NRBP2: variants seen among roughly 807,000 people sequenced by gnomAD.
NRBP2 encodes the protein nuclear receptor binding protein 2, also known as nuclear receptor-binding protein 2.
NRBP2 carries 47 observed loss-of-function variants against 74.4 expected under a neutral mutation model. The observed-to-expected ratio is 0.63, with a 90% confidence interval of 0.50 to 0.81. NRBP2 has a LOEUF of 0.81. Among genes scored for constraint, NRBP2 ranks in the 30% least tolerant of loss-of-function variants. NRBP2 has a pLI of 0.00. For missense variants in NRBP2, 613 were observed against 690.1 expected (o/e 0.89, Z 1.25); for synonymous variants, 312 against 273.8 (o/e 1.14, Z -1.38).
rs1554650740 is a variant in NRBP2 at position 143,833,755 on chromosome 8, G to A, written c.*1907C>T. ...GCAATGGTGGTATTGATGCTTTTAAGTTCAGTTTAATCAGTAGTACAATGT... is the reference window on the plus strand; with the variant it reads ...GCAATGGTGGTATTGATGCTTTTAAATTCAGTTTAATCAGTAGTACAATGT... On this transcript the variant is annotated 3_prime_UTR_variant, in exon 18 of 18. Coordinates refer to ENST00000442628, the MANE Select transcript of NRBP2 (RefSeq NM_178564.4). 2.0e-5 allele frequency: 3 copies of A among 152,180 alleles called. No homozygotes were observed. The highest frequency in any genetic ancestry group is 7.2e-5 in the African/African-American group (3 of 41,434). The allele number at this position is 152,180 out of a possible 1,614,324, so 9.4% of individuals were successfully genotyped here.
chr8:143,836,099 C>G (rs781811654), intron 15 of NRBP2, 28 bp downstream of exon 15: 2 of 1,596,138 alleles, frequency 1.3e-6, no homozygotes, highest in African/African-American at 2.7e-5. Flanking sequence ...TTCCCCACGG[C>G]AGCGCCGCCC....
rs117132419 is a variant in NRBP2 at position 143,840,268 on chromosome 8, G to T, written c.130-39C>A. The T allele has an allele frequency of 7.6e-3, 11,664 of 1,534,250 alleles. 69 individuals are homozygous for T. The highest frequency in any genetic ancestry group is 0.019 in the Middle Eastern group (115 of 5,934). On this transcript the variant is annotated intron_variant, in intron 1 of 17. Coordinates refer to ENST00000442628, the MANE Select transcript of NRBP2 (RefSeq NM_178564.4). The surrounding 1 kb of genome is among the most constrained non-coding windows in gnomAD (Gnocchi z 5.7). ...AAGGGTTATGTGTGCCCTGGTGTGTGTCAGGGTTGTGGGTGAGGATTTGGT... is the reference window on the plus strand; with the variant it reads ...AAGGGTTATGTGTGCCCTGGTGTGTTTCAGGGTTGTGGGTGAGGATTTGGT...
rs1554651249 is a variant in NRBP2 at position 143,835,579 on chromosome 8, G to A, written c.*83C>T. 1 of 1,178,922 alleles carries A rather than the reference G, an allele frequency of 8.5e-7. No homozygotes were observed. The highest frequency in any genetic ancestry group is 2.5e-5 in the East Asian group (1 of 39,652). The allele number at this position is 1,178,922 out of a possible 1,614,324, so 73.0% of individuals were successfully genotyped here. On this transcript the variant is annotated 3_prime_UTR_variant, in exon 18 of 18. Transcript: ENST00000442628. This position sits in a 1 kb window ranked among gnomAD's most constrained non-coding sequence, Gnocchi z 4.9. ...TGTGCTCCCAGGCGCATGGAGGAGGGCAGCCCCACGGTGCTGGAGTCTCCC... is the reference window on the plus strand; with the variant it reads ...TGTGCTCCCAGGCGCATGGAGGAGGACAGCCCCACGGTGCTGGAGTCTCCC...
downstream of NRBP2, among the ~76,000 whole-genome samples, chr8:143,830,775 TA>T (rs1818129557): frequency 6.6e-6 from 1 of 151,936 alleles, no homozygotes. Context: ...ACAGAGACGA[TA>T]AAGGAAGCCG....
intron 8 of NRBP2, 32 bp from the exon 9 acceptor site, chr8:143,838,970 G>C (rs1444704179): frequency 1.9e-6 from 3 of 1,578,570 alleles, no homozygotes; most frequent in Non-Finnish European, 2.6e-6. Context: ...ACACGTAGGA[G>C]AGAAGCGCAG....
Position 143,840,772 on chromosome 8 carries a change from C to T in NRBP2, c.63G>A (p.Glu21=). The T allele has an allele frequency of 6.6e-7, 1 of 1,511,674 alleles. No homozygotes were observed. Among genetic ancestry groups the T allele is most frequent in the Non-Finnish European group, 8.8e-7 (1 of 1,136,112 alleles). The allele number at this position is 1,511,674 out of a possible 1,614,324, so 93.6% of individuals were successfully genotyped here. A position where few individuals can be genotyped will look rare whatever the true frequency, so the allele number is the denominator to read the frequency against. Residue 21 remains glutamate, a synonymous_variant, in exon 1 of 18, where the codon GAG becomes GAA. Coordinates refer to ENST00000442628, the MANE Select transcript of NRBP2 (RefSeq NM_178564.4). This position sits in a 1 kb window ranked among gnomAD's most constrained non-coding sequence, Gnocchi z 5.7. ...CCAGGATGTCGCTCTCGTCCTCGCT[C>T]TCGTCCTCCCGCTCCCGCTCCCGTT... ...ARERERERED[E]SEDESDILEE...
In NRBP2 at chr8:143,837,044, T is replaced by C. The variant is rs1401350401; in HGVS notation, c.1258A>G (p.Arg420Gly). The C allele has an allele frequency of 7.5e-6, 12 of 1,609,500 alleles. 1 individual carries two copies. The highest frequency in any genetic ancestry group is 1.3e-5 in the African/African-American group (1 of 74,490). ...CAGCAGGAGAGGGGACTCACCTTTC[T>C]GGTCTCAGAGTCAAAGGGCTCTGGC... ...PTPEPFDSETRKVIQMQCNLE... is the reference protein window; with the variant it reads ...PTPEPFDSETGKVIQMQCNLE... The change falls in exon 14 of 18, where the codon AGA (arginine) becomes GGA (glycine). Residue 420 changes from arginine to glycine, a missense_variant. Arg to Gly is a moderately radical substitution (Grantham distance 125). Transcript: ENST00000442628. The surrounding 1 kb of genome is among the most constrained non-coding windows in gnomAD (Gnocchi z 4.3).
chr8:143,836,110 T>C lies in NRBP2; in HGVS notation c.1317+17A>G, dbSNP rs782608282. ...CGCCTTCCCCACGGCAGCGCCGCCCTCCCAGGCCCCGCTCACATGCCAGCG... is the reference window on the plus strand; with the variant it reads ...CGCCTTCCCCACGGCAGCGCCGCCCCCCCAGGCCCCGCTCACATGCCAGCG... On this transcript the variant is annotated intron_variant, in intron 15 of 17. Coordinates refer to ENST00000442628, the MANE Select transcript of NRBP2 (RefSeq NM_178564.4). The C allele has an allele frequency of 2.2e-5, 35 of 1,599,908 alleles. No homozygotes were observed. Among genetic ancestry groups the C allele is most frequent in the Non-Finnish European group, 2.9e-5 (34 of 1,175,312 alleles).
chr8:143,832,772 C>T (rs2130505946), downstream of NRBP2, among the ~76,000 whole-genome samples: 1 of 152,350 alleles, frequency 6.6e-6, no homozygotes, highest in East Asian at 1.9e-4. Context: ...GAAACACCCA[C>T]AAATGATCAA....
downstream of NRBP2, among the ~76,000 whole-genome samples, chr8:143,833,013 A>T (rs1202858789): frequency 6.6e-6 from 1 of 152,218 alleles, no homozygotes. Context: ...GGAAACCTGG[A>T]GGATGGTCCT....
Position 143,837,566 on chromosome 8 carries a change from C to T in NRBP2, c.973+57G>A. The T allele has an allele frequency of 6.3e-7, 1 of 1,594,750 alleles. No homozygotes were observed. The highest frequency in any genetic ancestry group is 1.1e-5 in the South Asian group (1 of 88,094). On this transcript the variant is annotated intron_variant, in intron 11 of 17. Coordinates refer to ENST00000442628, the MANE Select transcript of NRBP2 (RefSeq NM_178564.4). The surrounding 1 kb of genome is among the most constrained non-coding windows in gnomAD (Gnocchi z 4.3). ...TCAGGCCGTGGGTCCTGCAGGGCCC[C>T]TTCCACGTCCCAACCTCCACCTCCC... is the stretch of plus-strand genomic sequence containing the variant.
chr8:143,835,761 G>A lies in NRBP2; in HGVS notation c.1438-31C>T, dbSNP rs1005270417. The A allele has an allele frequency of 5.6e-6, 9 of 1,595,170 alleles. No homozygotes were observed. The highest frequency in any genetic ancestry group is 2.7e-5 in the African/African-American group (2 of 74,044). On this transcript the variant is annotated intron_variant, in intron 17 of 17. Transcript: ENST00000442628. The surrounding 1 kb of genome is among the most constrained non-coding windows in gnomAD (Gnocchi z 4.9). ...GAAGGAGGGAGGCATGGGGGACGGA[G>A]GGGCGCGGCCTGCCCCGTGCGCCCC...
rs1332824142 is a variant in NRBP2, at chr8:143,835,954, C to T, written c.1381+13G>A. The T allele has an allele frequency of 1.3e-6, 2 of 1,593,252 alleles. No homozygotes were observed. The highest frequency in any genetic ancestry group is 1.7e-6 in the Non-Finnish European group (2 of 1,173,616). The stretch of plus-strand genomic sequence containing the variant: ...GGTCACCGCCCGCCGCCCAAGTCCC[C>T]TGCCCAGCCTACTTGGGAGCAGGTC... On this transcript the variant is annotated intron_variant, in intron 16 of 17. Transcript: ENST00000442628. The surrounding 1 kb of genome is among the most constrained non-coding windows in gnomAD (Gnocchi z 4.9).
Position 143,840,405 on chromosome 8 carries a change from C to A in NRBP2, c.130-176G>T. 1.2e-6 allele frequency: 1 copy of A among 861,944 alleles called. No individual in the cohort carries two copies. Among genetic ancestry groups the A allele is most frequent in the Non-Finnish European group, 1.7e-6 (1 of 576,060 alleles). The allele number at this position is 861,944 out of a possible 1,614,324, so 53.4% of individuals were successfully genotyped here. A position where few individuals can be genotyped will look rare whatever the true frequency, so the allele number is the denominator to read the frequency against. The stretch of plus-strand genomic sequence containing the variant: ...CCCCCAGGAGCCAAGGGCTCCTATC[C>A]AAGGGCTGGGCTAAGGGGATTTGGA... On this transcript the variant is annotated intron_variant, in intron 1 of 17. Coordinates refer to ENST00000442628, the MANE Select transcript of NRBP2 (RefSeq NM_178564.4). The surrounding 1 kb of genome is among the most constrained non-coding windows in gnomAD (Gnocchi z 5.7).
chr8:143,837,648 T>C lies in NRBP2; in HGVS notation c.948A>G (p.Ala316=). ...ACTGGTGCTGGATGAAGCAGTGGGC[T>C]GCCAGGAGCTTCAGCGAGTGCACCT... The part of the protein sequence containing the change: ...LFEVHSLKLL[A]AHCFIQHQYL... Residue 316 remains alanine, a synonymous_variant, in exon 11 of 18, where the codon GCA becomes GCG. Coordinates refer to ENST00000442628, the MANE Select transcript of NRBP2 (RefSeq NM_178564.4). This position sits in a 1 kb window ranked among gnomAD's most constrained non-coding sequence, Gnocchi z 4.3. 6.3e-7 allele frequency: 1 copy of C among 1,599,028 alleles called. No homozygotes were observed. Among genetic ancestry groups the C allele is most frequent in the South Asian group, 1.1e-5 (1 of 88,340 alleles).
chr8:143,840,669 G>T lies in NRBP2; in HGVS notation c.129+37C>A, dbSNP rs1038183407. ...CCTCCAGGCCCCTCCCGCTCTGGGA[G>T]GGCGGTGTCACCCCGTGCCCCAACC... On this transcript the variant is annotated intron_variant, in intron 1 of 17. Transcript: ENST00000442628. This position sits in a 1 kb window ranked among gnomAD's most constrained non-coding sequence, Gnocchi z 5.7. 41 of 1,432,612 alleles carry T rather than the reference G, an allele frequency of 2.9e-5. No homozygotes were observed. The African/African-American group carries it at 4.9e-4, about 17-fold the overall frequency. The allele number at this position is 1,432,612 out of a possible 1,614,324, so 88.7% of individuals were successfully genotyped here.
At chr8:143,838,242 C>A (rs1012184234) in intron 10 of NRBP2, among the ~76,000 whole-genome samples, 5 of 152,188 alleles carry the variant, frequency 3.3e-5, no homozygotes, top group African/African-American at 7.2e-5. Context: ...CCATCCCATA[C>A]CTCTTTTTGC....
At chr8:143,832,824 T>C (rs1009113585), downstream of NRBP2, among the ~76,000 whole-genome samples, 1 of 152,212 alleles carries the variant, frequency 6.6e-6, no homozygotes, top group Non-Finnish European at 1.5e-5. Flanking sequence ...ATCCTCCATA[T>C]GCTGAACGCT....
At chr8:143,836,617 AG>A (rs1346697370) in intron 14 of NRBP2, among the ~76,000 whole-genome samples, 1 of 143,572 alleles carries the variant, frequency 7.0e-6, no homozygotes, top group Non-Finnish European at 1.5e-5. Flanking sequence ...CCTGGCCAGG[AG>A]GGGGTGCTGC....
Sources: gnomAD v4.1 joint callset for allele counts (sites outside exome capture counted in the v4.1 genomes callset) on GRCh38, gnomAD v4.1.1 for gene constraint, Gnocchi (gnomAD v3.1) non-coding constraint, MANE v1.5 for transcripts, NCBI Gene and HGNC (gene_info 2026-07-23, HGNC 2026-07-21) for gene names.